The following HTR3A variants were observed in gnomAD, a reference collection of about 807,000 sequenced individuals.
HTR3A encodes the protein 5-hydroxytryptamine (serotonin) receptor 3A, ionotropic.
In HTR3A, 45 loss-of-function variants were observed where a neutral mutation model predicts 54.8. That is an observed-to-expected ratio of 0.82 (90% CI 0.65 to 1.05). The LOEUF is 1.05. Ranked by LOEUF, HTR3A falls within the 50% of genes least tolerant of loss-of-function variation. HTR3A has a pLI of 0.00. For synonymous variants in HTR3A, 297 were observed against 256.0 expected, an observed-to-expected ratio of 1.16 and a Z score of -1.53; for missense variants, 657 against 614.0, an observed-to-expected ratio of 1.07 and a Z score of -0.74.
In HTR3A at chr11:113,983,252, G is replaced by T; in HGVS notation, c.507G>T (p.Gln169His). 1 of 1,614,226 alleles carries T rather than the reference G, an allele frequency of 6.2e-7. No individual in the cohort carries two copies. Among genetic ancestry groups the T allele is most frequent in the Non-Finnish European group, 8.5e-7 (1 of 1,180,044 alleles). ...LDIYNFPFDV[Q>H]NCSLTFTSWL... ...TCTACAACTTCCCCTTCGATGTCCA[G>T]AACTGCTCGCTGACCTTCACCAGTT... Residue 169 changes from glutamine (Q) to histidine (H), a missense_variant, in exon 5 of 9, where the codon CAG (glutamine) becomes CAT (histidine). By Grantham distance (24) the Gln-to-His change is conservative (BLOSUM62 0). Coordinates refer to ENST00000504030, the MANE Select transcript of HTR3A (RefSeq NM_000869.6).
intron 1 of HTR3A, 90 bp from the exon 2 acceptor site, chr11:113,977,681 C>T (rs1244093289): frequency 2.0e-5 from 30 of 1,534,700 alleles, no homozygotes; most frequent in Non-Finnish European, 2.3e-5. Context: ...GGTGGGGATA[C>T]GTCTCTTTTA....
At chr11:113,976,145 G>T (rs1205989256) in intron 1 of HTR3A, among the ~76,000 whole-genome samples, 2 of 152,178 alleles carry the variant, frequency 1.3e-5, no homozygotes, top group Non-Finnish European at 2.9e-5. Flanking sequence ...AGCCATCCAG[G>T]GGTTGGACAG....
intron 1 of HTR3A, 157 bp from the exon 2 acceptor site, chr11:113,977,614 A>G (rs1245539906): frequency 2.0e-6 from 3 of 1,508,858 alleles, no homozygotes; most frequent in East Asian, 4.9e-5. Flanking sequence ...CTCTGCAGAC[A>G]AAATGCTCTA....
At chr11:113,984,783 T>C (rs531914728) in intron 5 of HTR3A, among the ~76,000 whole-genome samples, 2 of 152,302 alleles carry the variant, frequency 1.3e-5, no homozygotes, top group East Asian at 1.9e-4. Flanking sequence ...CCAGGTGCAG[T>C]GGCAGGCGCC....
Position 113,978,024 on chromosome 11 carries a change from A to G in HTR3A, c.219+102A>G. 3 of 1,342,108 alleles carry G rather than the reference A, an allele frequency of 2.2e-6. No individual in the cohort carries two copies. The East Asian group carries it at 6.9e-5, about 31-fold the overall frequency. The allele number at this position is 1,342,108 out of a possible 1,614,324, so 83.1% of individuals were successfully genotyped here. On this transcript the variant is annotated intron_variant, in intron 2 of 8. Coordinates refer to ENST00000504030, the MANE Select transcript of HTR3A (RefSeq NM_000869.6). Reference sequence around the variant, plus strand: ...TATGCAGCTTGTTAGGCATTTGAGAACCCATAGGACCTACGGTCTGGCACC... The same window carrying G: ...TATGCAGCTTGTTAGGCATTTGAGAGCCCATAGGACCTACGGTCTGGCACC...
chr11:113,982,986 C>T (rs1383338676), intron 4 of HTR3A, 134 bp from the exon 5 acceptor site: 1 of 1,014,006 alleles, frequency 9.9e-7, no homozygotes, highest in Non-Finnish European at 1.5e-6. Context: ...CGAGGCCAGG[C>T]AAAACATCCA....
intron 3 of HTR3A, 97 bp from the exon 4 acceptor site, chr11:113,981,106 G>C (rs556876302): frequency 5.8e-5 from 45 of 775,414 alleles, no homozygotes; most frequent in Non-Finnish European, 3.2e-5. Flanking sequence ...ATGCCCACCT[G>C]TTGCCTGGGC....
intron 3 of HTR3A, among the ~76,000 whole-genome samples, chr11:113,980,606 C>T (rs1294181937): frequency 2.6e-5 from 4 of 152,206 alleles, no homozygotes; most frequent in Admixed American, 1.3e-4. Flanking sequence ...TCATTGCATA[C>T]GGCTGCAGTG....
rs1241080345 is a variant in HTR3A, at chr11:113,989,245, C to T, written c.1139-220C>T. Among the ~76,000 whole-genome samples the T allele has an allele frequency of 1.3e-5, 2 of 151,664 alleles. No individual in the cohort carries two copies. The highest frequency in any genetic ancestry group is 2.9e-5 in the Non-Finnish European group (2 of 67,966). ...AGGTGTAGTGGCACGTGCCTGTAATCCCAGCTACTTGGGAGGTTGAGGCAG... is the reference window on the plus strand; with the variant it reads ...AGGTGTAGTGGCACGTGCCTGTAATTCCAGCTACTTGGGAGGTTGAGGCAG... On this transcript the variant is annotated intron_variant, in intron 8 of 8. Transcript: ENST00000504030. The surrounding 1 kb of genome is among the most constrained non-coding windows in gnomAD (Gnocchi z 4.4).
At chr11:113,982,019 A>G (rs942006957) in intron 4 of HTR3A, among the ~76,000 whole-genome samples, 4 of 151,880 alleles carry the variant, frequency 2.6e-5, no homozygotes, top group Non-Finnish European at 5.9e-5. Context: ...CTGGCCCGCA[A>G]AGGAGATTTG....
chr11:113,982,759 C>A (rs1309981316), intron 4 of HTR3A, among the ~76,000 whole-genome samples: 3 of 152,186 alleles, frequency 2.0e-5, no homozygotes, highest in Non-Finnish European at 2.9e-5. Context: ...GCAGGACTGG[C>A]GATCCTGGGA....
At position 113,986,620 on chromosome 11, in the gene HTR3A, A is replaced by C; in HGVS notation, c.808A>C (p.Ser270Arg). The C allele has an allele frequency of 6.2e-7, 1 of 1,613,846 alleles. No individual in the cohort carries two copies. The highest frequency in any genetic ancestry group is 8.5e-7 in the Non-Finnish European group (1 of 1,180,022). ...CGTGGGCTTCTACCTGCCCCCCAAC[A>C]GTGGCGAGAGGGTCTCTTTCAAGAT... is the stretch of plus-strand genomic sequence containing the variant. ...DIVGFYLPPN[S>R]GERVSFKITL... is the part of the protein sequence containing the mutation. The change falls in exon 7 of 9, where the codon AGT becomes CGT. Residue 270 changes from serine (S) to arginine (R), a missense_variant. Physicochemically the swap from Ser to Arg is moderately radical, Grantham distance 110 (BLOSUM62 -1). Transcript: ENST00000504030.
rs1202548932 is a variant in HTR3A, at chr11:113,975,367, C to T, written c.42C>T (p.Leu14=). The T allele has an allele frequency of 6.2e-7, 1 of 1,613,078 alleles. No homozygotes were observed. ...WVQQALLALL[L]PTLLAQGEAR... ...AGCAGGCGCTGCTCGCCTTGCTCCTCCCCACACTCCTGGCACAGGGAGAAG... is the reference window on the plus strand; with the variant it reads ...AGCAGGCGCTGCTCGCCTTGCTCCTTCCCACACTCCTGGCACAGGGAGAAG... The change falls in exon 1 of 9, where the codon CTC becomes CTT. Residue 14 remains leucine, a synonymous_variant. Coordinates refer to ENST00000504030, the MANE Select transcript of HTR3A (RefSeq NM_000869.6).
chr11:113,986,453 G>A lies in HTR3A; in HGVS notation c.706-65G>A, dbSNP rs1170237079. On this transcript the variant is annotated intron_variant, in intron 6 of 8. Transcript: ENST00000504030. ...CATAAAACAAGGAATCTGAGCTTGTGGGGTGGTTCCTGGGAGCAGAGCCTG... is the reference window on the plus strand; with the variant it reads ...CATAAAACAAGGAATCTGAGCTTGTAGGGTGGTTCCTGGGAGCAGAGCCTG... 9 of 1,563,102 alleles carry A rather than the reference G, an allele frequency of 5.8e-6. No homozygotes were observed. The South Asian group carries it at 7.8e-5, about 14-fold the overall frequency.
At chr11:113,986,420 G>A (rs1370933098) in intron 6 of HTR3A, 98 bp from the exon 7 acceptor site, 9 of 1,401,598 alleles carry the variant, frequency 6.4e-6, no homozygotes, top group African/African-American at 5.7e-5. Context: ...AATCCAGGCT[G>A]GAAGCCCCAT....
chr11:113,986,915 A>C lies in HTR3A; in HGVS notation c.1007A>C (p.Gln336Pro). The C allele has an allele frequency of 1.2e-6, 2 of 1,614,176 alleles. No homozygotes were observed. The highest frequency in any genetic ancestry group is 2.2e-5 in the South Asian group (2 of 91,086). ...IVRLVHKQDLQQPVPAWLRHL... is the reference protein window; with the variant it reads ...IVRLVHKQDLPQPVPAWLRHL... ...CGGCTGGTGCACAAGCAAGACCTGCAGCAGCCCGTGCCTGCTTGGCTGCGT... is the reference window on the plus strand; with the variant it reads ...CGGCTGGTGCACAAGCAAGACCTGCCGCAGCCCGTGCCTGCTTGGCTGCGT... The change falls in exon 8 of 9, where the codon CAG becomes CCG. Residue 336 changes from glutamine (Q) to proline (P), a missense_variant. By Grantham distance (76) the Gln-to-Pro change is moderately conservative. Transcript: ENST00000504030.
intron 1 of HTR3A, among the ~76,000 whole-genome samples, chr11:113,976,211 G>T (rs796216366): frequency 5.9e-5 from 9 of 152,248 alleles, no homozygotes; most frequent in African/African-American, 2.2e-4. Context: ...GTTTGGGAGT[G>T]CTCCGTGGGT....
chr11:113,982,986 C>A, intron 4 of HTR3A, 134 bp from the exon 5 acceptor site: 1 of 1,014,124 alleles, frequency 9.9e-7, no homozygotes, highest in South Asian at 1.3e-5. Context: ...CGAGGCCAGG[C>A]AAAACATCCA....
intron 5 of HTR3A, among the ~76,000 whole-genome samples, chr11:113,984,615 T>C (rs1242792110): frequency 6.6e-6 from 1 of 152,166 alleles, no homozygotes; most frequent in Non-Finnish European, 1.5e-5. Flanking sequence ...CACACCACCC[T>C]GTTGCAAGAA....
Sources: allele counts gnomAD v4.1 joint callset (sites outside exome capture counted in the v4.1 genomes callset), GRCh38; gene constraint gnomAD v4.1.1; non-coding constraint Gnocchi (gnomAD v3.1); transcripts MANE v1.5; gene names NCBI Gene and HGNC (gene_info 2026-07-23, HGNC 2026-07-21).